The following CBL variants were observed in gnomAD, a reference collection of about 807,000 sequenced individuals.
CBL encodes E3 ubiquitin-protein ligase CBL.
Under a neutral mutation model 96.9 loss-of-function variants are expected in CBL, and 45 were observed. The observed-to-expected ratio is 0.46, with a 90% CI of 0.37 to 0.60. CBL has a LOEUF of 0.60. Among genes scored for constraint, CBL ranks in the 20% least tolerant of loss-of-function variants. CBL has a pLI of 0.00. For synonymous variants in CBL, 420 were observed against 426.8 expected (o/e 0.98, Z 0.20); for missense variants, 1,024 against 1,143.5 (o/e 0.90, Z 1.51).
chr11:119,282,089 G>T (rs1949939725), intron 9 of CBL, among the ~76,000 whole-genome samples: 1 of 152,080 alleles, frequency 6.6e-6, no homozygotes, highest in African/African-American at 2.4e-5. Flanking sequence ...TGTAATCCCA[G>T]CACTTTGGGA....
intron 1 of CBL, among the ~76,000 whole-genome samples, chr11:119,230,489 A>G (rs1565859317): frequency 6.6e-6 from 1 of 152,236 alleles, no homozygotes; most frequent in Non-Finnish European, 1.5e-5. Flanking sequence ...TGTCAGGCTT[A>G]TGCTTCCATT....
intron 2 of CBL, among the ~76,000 whole-genome samples, chr11:119,264,447 C>CTTCTCTTCT (rs1565868415): frequency 0.017 from 2,161 of 125,396 alleles, 66 homozygotes; most frequent in African/African-American, 0.067. Context: ...TCTTCTTTCT[C>CTTCTCTTCT]TTCTCTTCTC....
chr11:119,234,128 T>A (rs1949524940), intron 2 of CBL, among the ~76,000 whole-genome samples: 1 of 152,184 alleles, frequency 6.6e-6, no homozygotes, highest in Admixed American at 6.5e-5. Flanking sequence ...TGTCTCAGCC[T>A]CCTTAGTAGC....
chr11:119,270,436 A>ATTTTTTTTTTTT (rs869150071), intron 2 of CBL, among the ~76,000 whole-genome samples: 2 of 38,656 alleles, frequency 5.2e-5, no homozygotes, highest in Non-Finnish European at 8.7e-5. Flanking sequence ...ATATATATAT[A>ATTTTTTTTTTTT]TTTTTTTTTT....
At chr11:119,206,786 T>C (rs943092834) in intron 1 of CBL, among the ~76,000 whole-genome samples, 174 bp downstream of exon 1, 1 of 14,924 alleles carries the variant, frequency 6.7e-5, no homozygotes, top group African/African-American at 2.6e-4. Flanking sequence ...GCCGGGAGGG[T>C]GGGGGGCGGC....
chr11:119,299,618 C>G lies in CBL; in HGVS notation c.2558C>G (p.Ala853Gly). The G allele has an allele frequency of 6.2e-7, 1 of 1,614,206 alleles. No homozygotes were observed. Among genetic ancestry groups the G allele is most frequent in the Non-Finnish European group, 8.5e-7 (1 of 1,180,028 alleles). ...GSGPAASAATASPQLSSEIEN... is the reference protein window; with the variant it reads ...GSGPAASAATGSPQLSSEIEN... Reference sequence around the variant, plus strand: ...GGTCCTGCCGCCTCTGCTGCCACCGCCTCACCTCAGCTCTCCAGTGAGATC... The same window carrying G: ...GGTCCTGCCGCCTCTGCTGCCACCGGCTCACCTCAGCTCTCCAGTGAGATC... The change falls in exon 16 of 16, where the codon GCC becomes GGC. Residue 853 changes from alanine (A) to glycine (G), a missense_variant. This residue lies in a region of CBL where 695 missense variants were observed against 661.6 expected (regional missense o/e 1.05). Coordinates refer to ENST00000264033, the MANE Select transcript of CBL (RefSeq NM_005188.4).
chr11:119,213,384 T>C (rs1244724646), intron 1 of CBL, among the ~76,000 whole-genome samples: 1 of 152,222 alleles, frequency 6.6e-6, no homozygotes, highest in Non-Finnish European at 1.5e-5. Flanking sequence ...TTATAAATGA[T>C]ATATAAGTGA....
intron 1 of CBL, among the ~76,000 whole-genome samples, chr11:119,227,842 G>GC (rs1949470605): frequency 6.6e-6 from 1 of 152,222 alleles, no homozygotes; most frequent in Non-Finnish European, 1.5e-5. Context: ...GAGCCACCGC[G>GC]CCCCGCAAAC....
At chr11:119,219,912 T>TG (rs1284659613) in intron 1 of CBL, among the ~76,000 whole-genome samples, 1 of 147,980 alleles carries the variant, frequency 6.8e-6, no homozygotes, top group Non-Finnish European at 1.5e-5. Context: ...TGCAGTGGCG[T>TG]GATCTCGGCT....
intron 2 of CBL, among the ~76,000 whole-genome samples, chr11:119,270,535 C>T (rs1401804386): frequency 7.1e-6 from 1 of 140,140 alleles, no homozygotes. Flanking sequence ...CAAGCTCCGC[C>T]TCCCGGGTTC....
intron 2 of CBL, among the ~76,000 whole-genome samples, chr11:119,256,540 T>A (rs1219303974): frequency 6.6e-6 from 1 of 151,992 alleles, no homozygotes; most frequent in Admixed American, 6.6e-5. Context: ...GTTGATGCTC[T>A]TTTTTTTAGA....
At chr11:119,267,660 G>A (rs183658903) in intron 2 of CBL, among the ~76,000 whole-genome samples, 1 of 152,066 alleles carries the variant, frequency 6.6e-6, no homozygotes, top group African/African-American at 2.4e-5. Context: ...TAACACTCTC[G>A]TGGGAATGTA....
intron 1 of CBL, among the ~76,000 whole-genome samples, chr11:119,207,937 T>G (rs1489227083): frequency 2.0e-5 from 3 of 152,240 alleles, no homozygotes; most frequent in Non-Finnish European, 2.9e-5. Context: ...TTTAAATGCT[T>G]AATAAGTCCT....
At chr11:119,283,946 G>A (rs1949960430) in intron 9 of CBL, among the ~76,000 whole-genome samples, 1 of 151,724 alleles carries the variant, frequency 6.6e-6, no homozygotes, top group Non-Finnish European at 1.5e-5. Context: ...CTTAATTATT[G>A]AATTGAAATA....
chr11:119,297,575 A>G (rs549547765), intron 14 of CBL, 94 bp downstream of exon 14: 26 of 937,420 alleles, frequency 2.8e-5, no homozygotes, highest in Non-Finnish European at 4.5e-5. Flanking sequence ...TCTAAGCTCA[A>G]AATTCTTCTG....
rs1950126052 is a variant in CBL at position 119,305,160 on chromosome 11, G to T, written c.*5379G>T. 4.4e-6 allele frequency: 1 copy of T among 225,292 alleles called. No individual in the cohort carries two copies. The highest frequency in any genetic ancestry group is 2.2e-5 in the African/African-American group (1 of 44,930). 14.0% of individuals were successfully genotyped at this position (225,292 alleles called of 1,614,324 possible). A position where few individuals can be genotyped will look rare whatever the true frequency, so the allele number is the denominator to read the frequency against. On this transcript the variant is annotated 3_prime_UTR_variant, in exon 16 of 16. Coordinates refer to ENST00000264033, the MANE Select transcript of CBL (RefSeq NM_005188.4). ...GCTTAGTGGACAGGAAGGCACAGGA[G>T]TTTGTCTGGGACATCATAGAAATTC...
At position 119,300,355 on chromosome 11, in the gene CBL, T is replaced by G; in HGVS notation, c.*574T>G. On this transcript the variant is annotated 3_prime_UTR_variant, in exon 16 of 16. Coordinates refer to ENST00000264033, the MANE Select transcript of CBL (RefSeq NM_005188.4). ...TGGCTTATATTACCATGTGCATAGC[T>G]AAAGTCTTCTATTTTTAGAACACCT... 2.5e-6 allele frequency: 1 copy of G among 407,894 alleles called. No individual in the cohort carries two copies. The highest frequency in any genetic ancestry group is 4.0e-5 in the Admixed American group (1 of 24,940). 25.3% of individuals were successfully genotyped at this position (407,894 alleles called of 1,614,324 possible).
chr11:119,220,069 C>T (rs983849075), intron 1 of CBL, among the ~76,000 whole-genome samples: 13 of 151,870 alleles, frequency 8.6e-5, no homozygotes, highest in Non-Finnish European at 1.6e-4. Context: ...AGGCTGGTCT[C>T]GAACTCCTGA....
chr11:119,244,790 A>G (rs929083141), intron 2 of CBL, among the ~76,000 whole-genome samples: 7 of 151,796 alleles, frequency 4.6e-5, no homozygotes, highest in African/African-American at 1.7e-4. Context: ...AGTTCAAGCA[A>G]TCCGCCCCAC....
Sources: allele counts gnomAD v4.1 joint callset (sites outside exome capture counted in the v4.1 genomes callset), GRCh38; gene constraint gnomAD v4.1.1; regional missense constraint gnomAD v4.1.1; transcripts MANE v1.5; gene names NCBI Gene and HGNC (gene_info 2026-07-23, HGNC 2026-07-21).